The following EEPD1 variants were observed in gnomAD, a reference collection of about 807,000 sequenced individuals.
EEPD1 encodes the protein endonuclease/exonuclease/phosphatase family domain containing 1.
A neutral mutation model predicts 46.3 loss-of-function variants in EEPD1; 17 were observed. The ratio of observed to expected loss-of-function variants is 0.37; its 90% confidence interval spans 0.25 to 0.55. EEPD1 has a LOEUF of 0.55. Among genes scored for constraint, EEPD1 ranks in the 20% least tolerant of loss-of-function variants. The probability of loss-of-function intolerance (pLI) is 0.83; values close to 1 mark genes in which losing one functional copy is unlikely to be tolerated. For missense variants in EEPD1, 673 were observed against 745.6 expected (o/e 0.90, Z 1.13); for synonymous variants, 313 against 315.6 (o/e 0.99, Z 0.09).
At chr7:36,211,254 A>G (rs1280040247) in intron 2 of EEPD1, among the ~76,000 whole-genome samples, 1 of 152,236 alleles carries the variant, frequency 6.6e-6, no homozygotes, top group Non-Finnish European at 1.5e-5. Context: ...GAATAGCATG[A>G]TAGTAAAACA....
chr7:36,289,595 C>T (rs1056843201), intron 6 of EEPD1, among the ~76,000 whole-genome samples: 7 of 152,178 alleles, frequency 4.6e-5, no homozygotes, highest in South Asian at 2.1e-4. Context: ...CCCGGGTTCA[C>T]GCCATTCTCC....
At chr7:36,249,058 TCA>T (rs1238144643) in intron 3 of EEPD1, among the ~76,000 whole-genome samples, 1 of 142,020 alleles carries the variant, frequency 7.0e-6, no homozygotes, top group African/African-American at 2.6e-5. Context: ...TCTTTGAAAA[TCA>T]TCACAAGATA....
At chr7:36,281,019 C>G (rs1787251595) in intron 3 of EEPD1, 96 bp from the exon 4 acceptor site, 2 of 980,400 alleles carry the variant, frequency 2.0e-6, no homozygotes, top group Non-Finnish European at 3.1e-6. Context: ...AGGCTGATGA[C>G]TCAGAATCAT....
intron 2 of EEPD1, among the ~76,000 whole-genome samples, chr7:36,233,247 C>T (rs1269388039): frequency 2.0e-5 from 3 of 152,230 alleles, no homozygotes; most frequent in East Asian, 1.9e-4. Context: ...ATGGCCTTGA[C>T]CTGCCACCAG....
At chr7:36,224,096 CCTCAGAT>C (rs1261996440) in intron 2 of EEPD1, among the ~76,000 whole-genome samples, 1 of 152,166 alleles carries the variant, frequency 6.6e-6, no homozygotes, top group Non-Finnish European at 1.5e-5. Context: ...TCCTGTGGAG[CCTCAGAT>C]CTTAAATTAG....
At chr7:36,297,215 C>T (rs748714888) in intron 7 of EEPD1, 28 bp downstream of exon 7, 12 of 1,610,082 alleles carry the variant, frequency 7.5e-6, no homozygotes, top group Non-Finnish European at 1.0e-5. Context: ...TGTCCTTTCT[C>T]CTGTTCAGGA....
chr7:36,161,615 G>A (rs1250696279), intron 2 of EEPD1, among the ~76,000 whole-genome samples: 3 of 152,088 alleles, frequency 2.0e-5, no homozygotes. Flanking sequence ...CAGGAACATG[G>A]CAGCCTCCCA....
chr7:36,251,628 T>G (rs990894804), intron 3 of EEPD1, among the ~76,000 whole-genome samples: 1 of 152,124 alleles, frequency 6.6e-6, no homozygotes, highest in Non-Finnish European at 1.5e-5. Context: ...GTAGTTTTCT[T>G]AAAGGTAAAT....
At chr7:36,297,264 T>A in intron 7 of EEPD1, 77 bp downstream of exon 7, 1 of 1,478,916 alleles carries the variant, frequency 6.8e-7, no homozygotes, top group Non-Finnish European at 9.3e-7. Flanking sequence ...ACAGAAGTCA[T>A]CTCACCTCCT....
intron 2 of EEPD1, among the ~76,000 whole-genome samples, chr7:36,218,191 T>A (rs2115738936): frequency 6.6e-6 from 1 of 152,270 alleles, no homozygotes; most frequent in South Asian, 2.1e-4. Flanking sequence ...CGAGGGGGGC[T>A]CATTTATACT....
chr7:36,161,896 TCAA>T (rs1784905122), intron 2 of EEPD1, among the ~76,000 whole-genome samples: 1 of 76,076 alleles, frequency 1.3e-5, no homozygotes. Flanking sequence ...CCTGTCTCTC[TCAA>T]AAAAAAAAAA....
At chr7:36,257,984 G>T (rs555423941) in intron 3 of EEPD1, among the ~76,000 whole-genome samples, 1 of 152,278 alleles carries the variant, frequency 6.6e-6, no homozygotes, top group South Asian at 2.1e-4. Flanking sequence ...GGTCTTTGAT[G>T]GTGGTGACCT....
In EEPD1 at chr7:36,184,178, A is replaced by G. The variant is rs921822175; in HGVS notation, c.878+28976A>G. On this transcript the variant is annotated intron_variant, in intron 2 of 7. Transcript: ENST00000242108. ...AAATAGATGAAGGTGATTGTGTTCT[A>G]ACAAAATTGTATGGCCACTAACATT... Among the ~76,000 whole-genome samples, 3 of 152,342 alleles carry G rather than the reference A, an allele frequency of 2.0e-5. No individual in the cohort carries two copies. The South Asian group carries it at 6.2e-4, about 32-fold the overall frequency.
chr7:36,287,322 G>C (rs1380292111), intron 5 of EEPD1, among the ~76,000 whole-genome samples: 1 of 150,022 alleles, frequency 6.7e-6, no homozygotes, highest in African/African-American at 2.5e-5. Context: ...TCTTATATAG[G>C]ACTGCTTAGA....
intron 2 of EEPD1, among the ~76,000 whole-genome samples, chr7:36,155,704 A>G (rs1376839172): frequency 6.6e-6 from 1 of 152,244 alleles, no homozygotes; most frequent in Non-Finnish European, 1.5e-5. Context: ...CTATGAATGA[A>G]TCACTCTCCA....
At chr7:36,277,500 G>A (rs867168134) in intron 3 of EEPD1, among the ~76,000 whole-genome samples, 1 of 152,196 alleles carries the variant, frequency 6.6e-6, no homozygotes, top group South Asian at 2.1e-4. Context: ...CGTGCAGCAG[G>A]TCTAGGGTGG....
chr7:36,230,705 G>A (rs1189645804), intron 2 of EEPD1: 2 of 152,232 alleles, frequency 1.3e-5, no homozygotes, highest in African/African-American at 2.4e-5. Flanking sequence ...CCTCCTGAGA[G>A]TGCCCATCAC....
chr7:36,169,289 TAA>T (rs1785040298), intron 2 of EEPD1, among the ~76,000 whole-genome samples: 2 of 152,184 alleles, frequency 1.3e-5, no homozygotes, highest in Non-Finnish European at 2.9e-5. Flanking sequence ...AATTTAAGTT[TAA>T]CTTTTTGAGG....
intron 3 of EEPD1, among the ~76,000 whole-genome samples, chr7:36,267,317 TG>T (rs1787037415): frequency 6.6e-6 from 1 of 152,176 alleles, no homozygotes; most frequent in Non-Finnish European, 1.5e-5. Flanking sequence ...TTTCAGGGTA[TG>T]GGGGCCCCTG....
Sources: allele counts gnomAD v4.1 joint callset (sites outside exome capture counted in the v4.1 genomes callset), GRCh38; gene constraint gnomAD v4.1.1; transcripts MANE v1.5; gene names NCBI Gene and HGNC (gene_info 2026-07-23, HGNC 2026-07-21).